The following CELSR1 variants were observed in gnomAD, a reference collection of about 807,000 sequenced individuals.
CELSR1 encodes the protein cadherin EGF LAG seven-pass G-type receptor 1.
In CELSR1, 110 loss-of-function variants were observed where a neutral mutation model predicts 249.1. The ratio of observed to expected loss-of-function variants is 0.44; its 90% CI spans 0.38 to 0.52. CELSR1 has a LOEUF of 0.52. Among genes scored for constraint, CELSR1 ranks in the 20% least tolerant of loss-of-function variants. The probability of loss-of-function intolerance (pLI) is 0.00; values close to 1 mark genes in which losing one functional copy is unlikely to be tolerated. For synonymous variants in CELSR1, 2,113 were observed against 1,900.0 expected (o/e 1.11, Z -2.92); for missense variants, 4,109 against 4,296.4 (o/e 0.96, Z 1.22).
At chr22:46,387,308 C>T (rs1476415508) in intron 18 of CELSR1, among the ~76,000 whole-genome samples, 2 of 152,180 alleles carry the variant, frequency 1.3e-5, no homozygotes, top group African/African-American at 2.4e-5. Context: ...ATTTCATGGT[C>T]TAAGTTTATA....
chr22:46,465,536 A>G (rs1008803524), intron 1 of CELSR1, among the ~76,000 whole-genome samples: 4 of 152,156 alleles, frequency 2.6e-5, no homozygotes, highest in African/African-American at 9.7e-5. Flanking sequence ...TGAGGCCCAG[A>G]GGCCACCTTG....
rs2078705945 is a variant in CELSR1, at chr22:46,361,661, T to C, written c.*1562A>G. 6.6e-6 allele frequency: 1 copy of C among 152,246 alleles called. No homozygotes were observed. Among genetic ancestry groups the C allele is most frequent in the Non-Finnish European group, 1.5e-5 (1 of 68,038 alleles). 9.4% of individuals were successfully genotyped at this position (152,246 alleles called of 1,614,324 possible). A position where few individuals can be genotyped will look rare whatever the true frequency, so the allele number is the denominator to read the frequency against. On this transcript the variant is annotated 3_prime_UTR_variant, in exon 35 of 35. Coordinates refer to ENST00000674500, the MANE Select transcript of CELSR1 (RefSeq NM_001378328.1). ...GTCCTGGACCATTTTCAGATACGCT[T>C]TTCCTCTCCCATAGGCATCTGCTAA...
At chr22:46,524,574 GTCTGTC>G (rs1569218326) in intron 1 of CELSR1, among the ~76,000 whole-genome samples, 5 of 53,136 alleles carry the variant, frequency 9.4e-5, no homozygotes, top group East Asian at 1.6e-3. Context: ...GTGTGTGTCT[GTCTGTC>G]TGTGTGTTTT....
chr22:46,372,997 T>C lies in CELSR1; in HGVS notation c.7645A>G (p.Thr2549Ala). 6.2e-7 allele frequency: 1 copy of C among 1,612,714 alleles called. No individual in the cohort carries two copies. Among genetic ancestry groups the C allele is most frequent in the Non-Finnish European group, 8.5e-7 (1 of 1,179,716 alleles). Residue 2549 changes from threonine to alanine, a missense_variant, in exon 25 of 35, where the codon ACC (threonine) becomes GCC (alanine). Physicochemically the swap from Thr to Ala is moderately conservative, Grantham distance 58. Transcript: ENST00000674500. ...TAGACATGCAGGCTCTCCACGAGGG[T>C]CCAGGCAAAGGTGCTCATGTAGATG... is the stretch of plus-strand genomic sequence containing the variant. The part of the protein sequence containing the change: ...HYIYMSTFAW[T>A]LVESLHVYRM...
In CELSR1 at chr22:46,380,314, G is replaced by A. The variant is rs548323575; in HGVS notation, c.7256+474C>T. Among the ~76,000 whole-genome samples the A allele has an allele frequency of 1.3e-5, 2 of 152,232 alleles. No homozygotes were observed. Among genetic ancestry groups the A allele is most frequent in the Non-Finnish European group, 2.9e-5 (2 of 68,042 alleles). Reference sequence around the variant, plus strand: ...GTGCTGCGGCCAGGTGTGGCCTCTTGGGGGTGAAGCCAGTCCCCACAGCTA... The same window carrying A: ...GTGCTGCGGCCAGGTGTGGCCTCTTAGGGGTGAAGCCAGTCCCCACAGCTA... On this transcript the variant is annotated intron_variant, in intron 22 of 34. Coordinates refer to ENST00000674500, the MANE Select transcript of CELSR1 (RefSeq NM_001378328.1). This position sits in a 1 kb window ranked among gnomAD's most constrained non-coding sequence, Gnocchi z 5.1.
At position 46,535,862 on chromosome 22, in the gene CELSR1, C is replaced by T; in HGVS notation, c.1309G>A (p.Gly437Ser). Residue 437 changes from glycine to serine, a missense_variant, in exon 1 of 35, where the codon GGC becomes AGC. This residue lies in a region of CELSR1 where 673 missense variants were observed against 636.8 expected (regional missense o/e 1.06). Transcript: ENST00000674500. ...ACGGTGGCCGTGGCACTGAGCGGGC[C>T]CGGATTGCGCCCCTGGTCGTTGGCC... ...VEANDQGRNPGPLSATATVYI... is the reference protein window; with the variant it reads ...VEANDQGRNPSPLSATATVYI... 1 of 1,610,806 alleles carries T rather than the reference C, an allele frequency of 6.2e-7. No homozygotes were observed. The highest frequency in any genetic ancestry group is 8.5e-7 in the Non-Finnish European group (1 of 1,179,696).
chr22:46,464,966 G>C lies in CELSR1; in HGVS notation c.3545-621C>G, dbSNP rs531979666. 6.6e-6 allele frequency among the ~76,000 whole-genome samples: 1 copy of C among 152,324 alleles called. No homozygotes were observed. The highest frequency in any genetic ancestry group is 2.1e-4 in the South Asian group (1 of 4,826). ...AACTCCACATGCCCAGCACACAGGA[G>C]GGGCCGAGGAGCACCGCTTTACAAA... On this transcript the variant is annotated intron_variant, in intron 1 of 34. Coordinates refer to ENST00000674500, the MANE Select transcript of CELSR1 (RefSeq NM_001378328.1). The surrounding 1 kb of genome is among the most constrained non-coding windows in gnomAD (Gnocchi z 8.5).
chr22:46,401,610 C>T lies in CELSR1; in HGVS notation c.5227-1708G>A, dbSNP rs1399480368. Among the ~76,000 whole-genome samples, 1 of 152,224 alleles carries T rather than the reference C, an allele frequency of 6.6e-6. No homozygotes were observed. Among genetic ancestry groups the T allele is most frequent in the Non-Finnish European group, 1.5e-5 (1 of 68,042 alleles). On this transcript the variant is annotated intron_variant, in intron 9 of 34. Coordinates refer to ENST00000674500, the MANE Select transcript of CELSR1 (RefSeq NM_001378328.1). The surrounding 1 kb of genome is among the most constrained non-coding windows in gnomAD (Gnocchi z 4.7). Reference sequence around the variant, plus strand: ...AGCCCTATCAGCAGGTGGTACGACGCTCCATCAGTCGCCTGTGACCTAGAG... The same window carrying T: ...AGCCCTATCAGCAGGTGGTACGACGTTCCATCAGTCGCCTGTGACCTAGAG...
intron 2 of CELSR1, among the ~76,000 whole-genome samples, chr22:46,451,278 G>C (rs1158465612): frequency 1.3e-5 from 2 of 152,216 alleles, no homozygotes; most frequent in South Asian, 4.1e-4. Context: ...GAGGGAGCTG[G>C]GAAGGGGGAG....
chr22:46,399,248 C>T lies in CELSR1; in HGVS notation c.5412+469G>A, dbSNP rs1052630185. ...TTCCGAACATTGTCTGGGATACCAC[C>T]ACCTGCCTGCCTGGGACATGTGTGG... is the stretch of plus-strand genomic sequence containing the variant. On this transcript the variant is annotated intron_variant, in intron 10 of 34. Coordinates refer to ENST00000674500, the MANE Select transcript of CELSR1 (RefSeq NM_001378328.1). The surrounding 1 kb of genome is among the most constrained non-coding windows in gnomAD (Gnocchi z 5.0). Among the ~76,000 whole-genome samples, 12 of 152,182 alleles carry T rather than the reference C, an allele frequency of 7.9e-5. No homozygotes were observed. The highest frequency in any genetic ancestry group is 2.7e-4 in the African/African-American group (11 of 41,452).
chr22:46,417,615 G>C lies in CELSR1; in HGVS notation c.4612-5856C>G, dbSNP rs973739734. Among the ~76,000 whole-genome samples, 1 of 152,200 alleles carries C rather than the reference G, an allele frequency of 6.6e-6. No individual in the cohort carries two copies. Among genetic ancestry groups the C allele is most frequent in the African/African-American group, 2.4e-5 (1 of 41,446 alleles). ...CTCCACACTATCCCAGGTTGTAAGG[G>C]GAACTCAAGTTCCTCTGCCCAACTC... On this transcript the variant is annotated intron_variant, in intron 5 of 34. Transcript: ENST00000674500. This position sits in a 1 kb window ranked among gnomAD's most constrained non-coding sequence, Gnocchi z 4.1.
rs778128515 is a variant in CELSR1, at chr22:46,399,858, G to A, written c.5271C>T (p.Ser1757=). Residue 1757 remains serine, a synonymous_variant, in exon 10 of 35, where the codon TCC becomes TCT. Transcript: ENST00000674500. The surrounding 1 kb of genome is among the most constrained non-coding windows in gnomAD (Gnocchi z 5.0). ...CGGACAGCATCACGGACTCCACATC[G>A]GAGGGGCCGTGGGACACCTCAAACT... is the stretch of plus-strand genomic sequence containing the variant. The part of the protein sequence containing the change: ...YLQFEVSHGP[S]DVESVMLSGL... 32 of 1,614,024 alleles carry A rather than the reference G, an allele frequency of 2.0e-5. No homozygotes were observed. Among genetic ancestry groups the A allele is most frequent in the East Asian group, 4.5e-5 (2 of 44,898 alleles).
chr22:46,479,239 C>T (rs2080241893), intron 1 of CELSR1, among the ~76,000 whole-genome samples: 1 of 152,014 alleles, frequency 6.6e-6, no homozygotes, highest in African/African-American at 2.4e-5. Flanking sequence ...AAATGACCTG[C>T]TGGACTCAGG....
chr22:46,448,468 G>C lies in CELSR1; in HGVS notation c.4184-9057C>G. The C allele has an allele frequency of 1.1e-5, 4 of 360,504 alleles. No homozygotes were observed. The highest frequency in any genetic ancestry group is 2.2e-5 in the Non-Finnish European group (4 of 182,946). 22.3% of individuals were successfully genotyped at this position (360,504 alleles called of 1,614,324 possible). On this transcript the variant is annotated intron_variant, in intron 2 of 34. Transcript: ENST00000674500. The surrounding 1 kb of genome is among the most constrained non-coding windows in gnomAD (Gnocchi z 5.7). ...CAGGACCTGGGGGAGGGCTGGGAAC[G>C]CGCTGGGAACGTGCCCCAGGAGGGG...
Position 46,402,790 on chromosome 22 carries a change from T to C in CELSR1, c.5227-2888A>G, listed in dbSNP as rs1242776946. Among the ~76,000 whole-genome samples, 2 of 152,086 alleles carry C rather than the reference T, an allele frequency of 1.3e-5. No individual in the cohort carries two copies. Among genetic ancestry groups the C allele is most frequent in the African/African-American group, 2.4e-5 (1 of 41,394 alleles). Reference sequence around the variant, plus strand: ...GGTCAAACGGCCATGTTTAAGTACATGTAAGAAGAATCAGAAAACAAGGTT... The same window carrying C: ...GGTCAAACGGCCATGTTTAAGTACACGTAAGAAGAATCAGAAAACAAGGTT... On this transcript the variant is annotated intron_variant, in intron 9 of 34. Coordinates refer to ENST00000674500, the MANE Select transcript of CELSR1 (RefSeq NM_001378328.1). The surrounding 1 kb of genome is among the most constrained non-coding windows in gnomAD (Gnocchi z 5.0).
At chr22:46,501,611 G>A (rs1351938044) in intron 1 of CELSR1, among the ~76,000 whole-genome samples, 2 of 152,242 alleles carry the variant, frequency 1.3e-5, no homozygotes, top group Non-Finnish European at 2.9e-5. Flanking sequence ...ATCCAGCCCT[G>A]AAAGCTGAAA....
At chr22:46,457,290 A>G (rs947899441) in intron 2 of CELSR1, among the ~76,000 whole-genome samples, 1 of 151,970 alleles carries the variant, frequency 6.6e-6, no homozygotes, top group Non-Finnish European at 1.5e-5. Context: ...GGCTGCAGTG[A>G]GCCAAGGTTG....
chr22:46,379,002 G>C (rs1361708936), intron 22 of CELSR1, among the ~76,000 whole-genome samples: 3 of 152,330 alleles, frequency 2.0e-5, no homozygotes, highest in Non-Finnish European at 4.4e-5. Flanking sequence ...TCTGTGTCTG[G>C]TCAGGGCCTC....
chr22:46,416,092 G>A (rs1431101191), intron 5 of CELSR1, among the ~76,000 whole-genome samples: 4 of 140,306 alleles, frequency 2.9e-5, no homozygotes, highest in African/African-American at 1.1e-4. Context: ...ACGATGAATG[G>A]TACAGGTTGC....
Sources: gnomAD v4.1 joint callset for allele counts (sites outside exome capture counted in the v4.1 genomes callset) on GRCh38, gnomAD v4.1.1 for gene constraint, gnomAD v4.1.1 regional missense constraint, Gnocchi (gnomAD v3.1) non-coding constraint, MANE v1.5 for transcripts, NCBI Gene and HGNC (gene_info 2026-07-23, HGNC 2026-07-21) for gene names.